Variants in KLRG1 observed in about 807,000 individuals in gnomAD.
KLRG1 encodes the protein killer cell lectin like receptor G1, also known as killer cell lectin-like receptor subfamily G member 1.
In KLRG1, 16 loss-of-function variants were observed where a neutral mutation model predicts 21.8. The ratio of observed to expected loss-of-function variants is 0.73; its 90% confidence interval spans 0.50 to 1.11. The LOEUF (loss-of-function observed/expected upper bound fraction) is 1.11. KLRG1 is among the 50% of genes most tolerant of loss of function. The pLI is 0.00. For synonymous variants in KLRG1, 69 were observed against 75.9 expected (o/e 0.91, Z 0.47); for missense variants, 173 against 218.3 (o/e 0.79, Z 1.31).
chr12:9,079,234 C>T, the KLRG1 span: 3 of 1,611,266 alleles, frequency 1.9e-6, no homozygotes, highest in Admixed American at 3.4e-5. Context: ...AAAAATTGTT[C>T]TTTCCTTACC....
the KLRG1 span, among the ~76,000 whole-genome samples, chr12:9,199,686 T>C: frequency 5.3e-5 from 8 of 152,152 alleles, no homozygotes; most frequent in African/African-American, 1.9e-4. Context: ...TTTAAACCTC[T>C]AAGATATTTA....
the KLRG1 span, among the ~76,000 whole-genome samples, chr12:9,073,572 A>G: frequency 6.6e-6 from 1 of 152,222 alleles, no homozygotes; most frequent in East Asian, 1.9e-4. Context: ...CATTCATATG[A>G]TAAAAGATTA....
intron 1 of KLRG1, among the ~76,000 whole-genome samples, chr12:8,952,429 T>C (rs928192342): frequency 1.3e-4 from 20 of 152,282 alleles, no homozygotes; most frequent in African/African-American, 4.6e-4. Context: ...TAAACTCAAA[T>C]AATCTGCCTG....
chr12:9,119,213 T>C, the KLRG1 span, among the ~76,000 whole-genome samples: 5 of 152,350 alleles, frequency 3.3e-5, no homozygotes, highest in East Asian at 9.6e-4. Flanking sequence ...ATTCATAATG[T>C]AACATAATTT....
chr12:9,165,012 A>T, the KLRG1 span: 1 of 1,134,856 alleles, frequency 8.8e-7, no homozygotes, highest in Non-Finnish European at 1.3e-6. Flanking sequence ...GCATAGCACT[A>T]ATTATTCACA....
chr12:8,959,756 C>T (rs771809216), intron 1 of KLRG1, among the ~76,000 whole-genome samples: 3 of 152,058 alleles, frequency 2.0e-5, no homozygotes, highest in African/African-American at 4.8e-5. Context: ...ACGTGTCTTT[C>T]GTTACATTTG....
chr12:9,024,776 T>TA, the KLRG1 span, among the ~76,000 whole-genome samples: 12 of 152,216 alleles, frequency 7.9e-5, no homozygotes, highest in African/African-American at 2.9e-4. Flanking sequence ...GAGGGGTTTT[T>TA]ACCTAGAAGG....
In KLRG1 at chr12:8,995,133, A is replaced by G. The variant is rs763357474; in HGVS notation, c.202A>G (p.Thr68Ala). The G allele has an allele frequency of 1.9e-6, 3 of 1,606,584 alleles. No individual in the cohort carries two copies. Among genetic ancestry groups the G allele is most frequent in the East Asian group, 2.2e-5 (1 of 44,638 alleles). The change falls in exon 3 of 5, where the codon ACT becomes GCT. Residue 68 changes from threonine to alanine, a missense_variant. Thr to Ala is a moderately conservative substitution (Grantham distance 58). Around this residue, in one of 3 missense-constraint regions of KLRG1, gnomAD observed 144 missense variants for 161.5 expected, o/e 0.89. Coordinates refer to ENST00000356986, the MANE Select transcript of KLRG1 (RefSeq NM_005810.4). Reference sequence around the variant, plus strand: ...TTCTCTCCTAGGCTCCAACTACTCCACTTGTGCCAGCTGTCCTAGCTGCCC... The same window carrying G: ...TTCTCTCCTAGGCTCCAACTACTCCGCTTGTGCCAGCTGTCCTAGCTGCCC... ...WILCQGSNYS[T>A]CASCPSCPDR... is the part of the protein sequence containing the mutation.
the KLRG1 span, among the ~76,000 whole-genome samples, chr12:9,168,121 A>T: frequency 1.3e-5 from 2 of 152,202 alleles, no homozygotes; most frequent in African/African-American, 2.4e-5. Flanking sequence ...GTGTTGGTGC[A>T]TTATATTTAG....
chr12:9,180,687 C>A, the KLRG1 span, among the ~76,000 whole-genome samples: 1 of 152,146 alleles, frequency 6.6e-6, no homozygotes, highest in African/African-American at 2.4e-5. Context: ...GACCTAAAAC[C>A]ATAAAAACCC....
intron 1 of KLRG1, among the ~76,000 whole-genome samples, chr12:8,959,818 A>G (rs2377672): frequency 0.35 from 53,311 of 152,032 alleles, 10,965 homozygotes; most frequent in South Asian, 0.46. Flanking sequence ...TATTGTGAAA[A>G]ATTTATTTTG....
chr12:9,035,221 G>T, the KLRG1 span, among the ~76,000 whole-genome samples: 1 of 152,102 alleles, frequency 6.6e-6, no homozygotes, highest in Non-Finnish European at 1.5e-5. Flanking sequence ...TGATAGACTG[G>T]ATAAAGAAAA....
chr12:9,117,791 A>C, the KLRG1 span, among the ~76,000 whole-genome samples: 1 of 152,196 alleles, frequency 6.6e-6, no homozygotes, highest in African/African-American at 2.4e-5. Context: ...AGAAACATTA[A>C]ATTAATTTTA....
chr12:8,961,459 C>G (rs1946379622), intron 1 of KLRG1, among the ~76,000 whole-genome samples: 1 of 152,136 alleles, frequency 6.6e-6, no homozygotes, highest in Admixed American at 6.5e-5. Flanking sequence ...GTTGCCCAGA[C>G]TGGAGTGCAA....
the KLRG1 span, chr12:9,180,967 G>T: frequency 6.2e-7 from 1 of 1,608,510 alleles, no homozygotes; most frequent in Non-Finnish European, 8.5e-7. Flanking sequence ...GGTCCCCAAG[G>T]CCACTGGAAA....
chr12:9,179,475 G>GC, the KLRG1 span, among the ~76,000 whole-genome samples: 1 of 152,136 alleles, frequency 6.6e-6, no homozygotes. Flanking sequence ...ATAGTCAAAA[G>GC]CAGATAATTA....
At chr12:9,200,138 T>C in the KLRG1 span, among the ~76,000 whole-genome samples, 11 of 152,302 alleles carry the variant, frequency 7.2e-5, no homozygotes, top group African/African-American at 2.6e-4. Flanking sequence ...AAGCAAAATA[T>C]ATGATGAAAC....
chr12:9,164,015 A>C, the KLRG1 span: 1 of 1,392,470 alleles, frequency 7.2e-7, no homozygotes, highest in Non-Finnish European at 9.7e-7. Context: ...AATAGGAAAA[A>C]AAACTAACTT....
chr12:9,095,050 A>G, the KLRG1 span: 1 of 1,595,500 alleles, frequency 6.3e-7, no homozygotes, highest in Non-Finnish European at 8.5e-7. Flanking sequence ...GGGTTTACGA[A>G]TCTTTGAGTT....
Sources: gnomAD v4.1 joint callset for allele counts (sites outside exome capture counted in the v4.1 genomes callset) on GRCh38, gnomAD v4.1.1 for gene constraint, gnomAD v4.1.1 regional missense constraint, MANE v1.5 for transcripts, NCBI Gene and HGNC (gene_info 2026-07-23, HGNC 2026-07-21) for gene names.